The following SLC35F1 variants were observed in gnomAD, a reference collection of about 807,000 sequenced individuals.
SLC35F1 encodes the protein solute carrier family 35 member F1.
A neutral mutation model predicts 48.7 loss-of-function variants in SLC35F1; 14 were observed. The observed-to-expected ratio is 0.29, with a 90% CI of 0.19 to 0.45. The LOEUF is 0.45. SLC35F1 is among the 20% of genes least tolerant of loss of function. The pLI, the probability that SLC35F1 is intolerant of heterozygous loss-of-function variation, is 1.00. For missense variants in SLC35F1, 404 were observed against 500.0 expected, an observed-to-expected ratio of 0.81 and a Z score of 1.83; for synonymous variants, 190 against 202.2, an observed-to-expected ratio of 0.94 and a Z score of 0.51.
intron 2 of SLC35F1, among the ~76,000 whole-genome samples, chr6:118,208,756 A>C (rs896473591): frequency 4.6e-5 from 7 of 152,164 alleles, no homozygotes; most frequent in Non-Finnish European, 1.0e-4. Flanking sequence ...GGCTCAGAAA[A>C]TAATACCCCA....
intron 1 of SLC35F1, among the ~76,000 whole-genome samples, chr6:118,040,847 A>G (rs1303487260): frequency 6.6e-6 from 1 of 151,760 alleles, no homozygotes; most frequent in African/African-American, 2.4e-5. Flanking sequence ...ACACTTTTAC[A>G]TCTCCCTAAC....
intron 1 of SLC35F1, among the ~76,000 whole-genome samples, chr6:117,911,205 A>T (rs1775757519): frequency 6.6e-6 from 1 of 152,192 alleles, no homozygotes; most frequent in Non-Finnish European, 1.5e-5. Flanking sequence ...AAAATAATTA[A>T]TGGGACATCA....
intron 3 of SLC35F1, among the ~76,000 whole-genome samples, chr6:118,259,393 A>G (rs1325751063): frequency 1.3e-5 from 2 of 151,998 alleles, no homozygotes; most frequent in Non-Finnish European, 2.9e-5. Context: ...AATTTATCCT[A>G]AGATAATATT....
At chr6:118,066,829 T>C (rs934520010) in intron 1 of SLC35F1, among the ~76,000 whole-genome samples, 15 of 150,608 alleles carry the variant, frequency 1.0e-4, no homozygotes, top group Non-Finnish European at 1.8e-4. Context: ...AAGGCAGTAG[T>C]TCTTAAAATT....
intron 1 of SLC35F1, among the ~76,000 whole-genome samples, chr6:118,068,181 C>T (rs1772644836): frequency 6.6e-6 from 1 of 152,104 alleles, no homozygotes; most frequent in Non-Finnish European, 1.5e-5. Context: ...ACAGTGAGGG[C>T]AGATCTTCCC....
intron 1 of SLC35F1, among the ~76,000 whole-genome samples, chr6:118,035,857 A>T (rs1482067332): frequency 6.7e-6 from 1 of 150,258 alleles, no homozygotes. Context: ...CGCCCGGCTA[A>T]TTTTTTTGTA....
At position 118,126,425 on chromosome 6, in the gene SLC35F1, G is replaced by A. The variant is rs546755206; in HGVS notation, c.174-28020G>A. Among the ~76,000 whole-genome samples, 4 of 152,298 alleles carry A rather than the reference G, an allele frequency of 2.6e-5. No homozygotes were observed. The East Asian group carries it at 7.7e-4, about 29-fold the overall frequency. On this transcript the variant is annotated intron_variant, in intron 1 of 7. Transcript: ENST00000360388. ...GAAGTCAGGTAGCATGATGCCTCCG[G>A]CTTTGTTCTTTTGGCTTAGGATTGA...
chr6:118,172,028 C>A (rs925516211), intron 2 of SLC35F1, among the ~76,000 whole-genome samples: 1 of 152,070 alleles, frequency 6.6e-6, no homozygotes, highest in African/African-American at 2.4e-5. Context: ...TAATACTACC[C>A]AAGCCTGGCT....
rs1427421554 is a variant in SLC35F1 at position 118,059,731 on chromosome 6, C to G, written c.174-94714C>G. 3.9e-5 allele frequency among the ~76,000 whole-genome samples: 6 copies of G among 152,270 alleles called. No homozygotes were observed. In the East Asian group the frequency reaches 1.2e-3, roughly 29 times the overall value. Reference sequence around the variant, plus strand: ...AAGCTGGAAGCAAAATTCACCACTTCCACTTATGGCCACACTGCTTTCAAG... The same window carrying G: ...AAGCTGGAAGCAAAATTCACCACTTGCACTTATGGCCACACTGCTTTCAAG... On this transcript the variant is annotated intron_variant, in intron 1 of 7. Coordinates refer to ENST00000360388, the MANE Select transcript of SLC35F1 (RefSeq NM_001029858.4).
At chr6:118,188,667 A>C (rs569195655) in intron 2 of SLC35F1, among the ~76,000 whole-genome samples, 1 of 152,234 alleles carries the variant, frequency 6.6e-6, no homozygotes, top group Non-Finnish European at 1.5e-5. Flanking sequence ...AGATCTTTTA[A>C]GGCTGAATAA....
At chr6:118,304,368 T>TA (rs746442246) in intron 7 of SLC35F1, among the ~76,000 whole-genome samples, 1,353 of 117,320 alleles carry the variant, frequency 0.012, 10 homozygotes, top group African/African-American at 0.032. Context: ...CTTCATCTCT[T>TA]AAAAAAAAAA....
intron 1 of SLC35F1, among the ~76,000 whole-genome samples, chr6:117,924,506 G>GTATATACGTATATACATATGTATATACA (rs1776001586): frequency 5.6e-5 from 1 of 17,814 alleles, no homozygotes; most frequent in African/African-American, 1.2e-4. Flanking sequence ...ATGTATATAC[G>GTATATACGTATATACATATGTATATACA]TATATACATA....
chr6:118,257,404 C>T (rs192960576), intron 3 of SLC35F1, among the ~76,000 whole-genome samples: 23 of 152,254 alleles, frequency 1.5e-4, no homozygotes, highest in Non-Finnish European at 1.3e-4. Context: ...AAGACCATTT[C>T]CCCCAGGATA....
chr6:118,087,010 T>C lies in SLC35F1; in HGVS notation c.174-67435T>C, dbSNP rs562077484. On this transcript the variant is annotated intron_variant, in intron 1 of 7. Coordinates refer to ENST00000360388, the MANE Select transcript of SLC35F1 (RefSeq NM_001029858.4). The stretch of plus-strand genomic sequence containing the variant: ...GGTCTACATGTCTGACTGTGTTCTT[T>C]GTTCCCCAGTCCCCCGGGACCCTAA... 4.6e-5 allele frequency among the ~76,000 whole-genome samples: 7 copies of C among 152,350 alleles called. No individual in the cohort carries two copies. In the South Asian group the frequency reaches 6.2e-4, roughly 14 times the overall value.
Position 118,154,504 on chromosome 6 carries a change from GC to G in SLC35F1, c.234del (p.Leu79Ter). 1 of 1,613,936 alleles carries G rather than the reference GC, an allele frequency of 6.2e-7. No homozygotes were observed. ...QVLSLLICGI[G>X]LTSKYLSEDF... ...TTATCCCTCCTTATTTGTGGAATTG[GC>G]TTGACTAGCAAGTATCTGTCAGAAG... On this transcript the variant is annotated frameshift_variant, in exon 2 of 8. Transcript: ENST00000360388. LOFTEE classifies it high-confidence loss of function.
intron 2 of SLC35F1, among the ~76,000 whole-genome samples, chr6:118,203,590 C>G (rs1288218675): frequency 6.6e-6 from 1 of 152,178 alleles, no homozygotes; most frequent in African/African-American, 2.4e-5. Flanking sequence ...TGGAGTGAAG[C>G]CTTGCTCTTG....
At chr6:118,163,459 A>G in intron 2 of SLC35F1, among the ~76,000 whole-genome samples, 1 of 151,744 alleles carries the variant, frequency 6.6e-6, no homozygotes, top group East Asian at 1.9e-4. Flanking sequence ...CACTCTATAC[A>G]TCAGACATTG....
At chr6:117,963,089 C>T (rs903812334) in intron 1 of SLC35F1, among the ~76,000 whole-genome samples, 15 of 152,198 alleles carry the variant, frequency 9.9e-5, no homozygotes, top group African/African-American at 2.6e-4. Context: ...TGCCAATTTC[C>T]GTGATTTATC....
At chr6:118,178,038 C>T (rs1774518052) in intron 2 of SLC35F1, among the ~76,000 whole-genome samples, 1 of 152,068 alleles carries the variant, frequency 6.6e-6, no homozygotes, top group Admixed American at 6.6e-5. Context: ...TGTTCTACTC[C>T]TACAATAGCA....
Sources: allele counts gnomAD v4.1 joint callset (sites outside exome capture counted in the v4.1 genomes callset), GRCh38; gene constraint gnomAD v4.1.1; transcripts MANE v1.5; gene names NCBI Gene and HGNC (gene_info 2026-07-23, HGNC 2026-07-21).